The following MGAT4C variants were observed in gnomAD, a reference collection of about 807,000 sequenced individuals.
The protein encoded by MGAT4C is MGAT4 family member C, also known as alpha-1,3-mannosyl-glycoprotein 4-beta-N-acetylglucosaminyltransferase C.
MGAT4C carries 19 observed loss-of-function variants against 40.1 expected under a neutral mutation model. The observed-to-expected ratio is 0.47, with a 90% CI of 0.33 to 0.70. The LOEUF (loss-of-function observed/expected upper bound fraction) is 0.70. Among genes scored for constraint, MGAT4C ranks in the 30% least tolerant of loss-of-function variants. The pLI is 0.02. For missense variants in MGAT4C, 491 were observed against 563.2 expected (o/e 0.87, Z 1.30); for synonymous variants, 181 against 187.1 (o/e 0.97, Z 0.27).
At chr12:86,009,598 A>G (rs1205102190) in intron 2 of MGAT4C, among the ~76,000 whole-genome samples, 2 of 152,028 alleles carry the variant, frequency 1.3e-5, no homozygotes, top group African/African-American at 4.8e-5. Context: ...CATCCCCCCA[A>G]TCAGGAATCA....
chr12:86,177,866 T>G (rs919594047), intron 1 of MGAT4C, among the ~76,000 whole-genome samples: 2 of 152,176 alleles, frequency 1.3e-5, no homozygotes, highest in African/African-American at 4.8e-5. Context: ...AATTTAAAAT[T>G]AAATAAAAAT....
chr12:86,128,625 G>A (rs1593016244), intron 1 of MGAT4C, among the ~76,000 whole-genome samples: 2 of 152,096 alleles, frequency 1.3e-5, no homozygotes, highest in East Asian at 3.9e-4. Flanking sequence ...ATCAAAATAC[G>A]TGGATCTGTG....
chr12:86,248,749 C>T (rs1185734742), intron 1 of MGAT4C, among the ~76,000 whole-genome samples: 1 of 151,994 alleles, frequency 6.6e-6, no homozygotes, highest in Non-Finnish European at 1.5e-5. Flanking sequence ...TAGATGGGAG[C>T]GGTCATACAT....
At chr12:86,825,192 G>C (rs1462156850) in intron 1 of MGAT4C, among the ~76,000 whole-genome samples, 1 of 151,138 alleles carries the variant, frequency 6.6e-6, no homozygotes, top group Non-Finnish European at 1.5e-5. Context: ...TGAGGAAAGA[G>C]GGTAAGAAAT....
At chr12:86,019,438 T>A (rs150206347) in intron 2 of MGAT4C, among the ~76,000 whole-genome samples, 1 of 152,058 alleles carries the variant, frequency 6.6e-6, no homozygotes, top group Non-Finnish European at 1.5e-5. Context: ...TGATGTTGTA[T>A]GCATCCTAGT....
chr12:85,988,717 A>T (rs2136714420), intron 3 of MGAT4C, among the ~76,000 whole-genome samples: 1 of 152,062 alleles, frequency 6.6e-6, no homozygotes, highest in African/African-American at 2.4e-5. Flanking sequence ...TAACATATTA[A>T]TTTTTCATAA....
intron 2 of MGAT4C, among the ~76,000 whole-genome samples, chr12:86,537,850 G>A (rs914828971): frequency 4.6e-5 from 7 of 152,166 alleles, no homozygotes; most frequent in Non-Finnish European, 8.8e-5. Context: ...ACTTTGGGAG[G>A]CCAAGGTGGG....
intron 2 of MGAT4C, among the ~76,000 whole-genome samples, chr12:86,436,232 CAACAAAACAATTTTG>C (rs1957135539): frequency 1.4e-5 from 2 of 142,162 alleles, no homozygotes; most frequent in Admixed American, 1.4e-4. Flanking sequence ...TAAGCAAGTG[CAACAAAACAATTTTG>C]TGCAACAAAA....
intron 2 of MGAT4C, among the ~76,000 whole-genome samples, chr12:86,511,808 T>C (rs533547784): frequency 6.6e-6 from 1 of 152,124 alleles, no homozygotes; most frequent in East Asian, 1.9e-4. Flanking sequence ...GAGACAAAAG[T>C]GGAAAGCTTC....
intron 3 of MGAT4C, among the ~76,000 whole-genome samples, chr12:86,416,485 T>G (rs1274058973): frequency 1.3e-5 from 2 of 152,036 alleles, no homozygotes; most frequent in African/African-American, 4.8e-5. Flanking sequence ...GTTACCCAGT[T>G]GAGGATTGAC....
upstream of MGAT4C, among the ~76,000 whole-genome samples, chr12:86,259,396 A>G (rs1952608900): frequency 6.6e-6 from 1 of 152,064 alleles, no homozygotes; most frequent in African/African-American, 2.4e-5. Flanking sequence ...CTACTATACT[A>G]AAATAATATT....
rs1884237819 is a variant in MGAT4C at position 85,979,120 on chromosome 12, G to A, written c.*169C>T. 1 of 512,506 alleles carries A rather than the reference G, an allele frequency of 2.0e-6. No individual in the cohort carries two copies. The highest frequency in any genetic ancestry group is 3.5e-5 in the South Asian group (1 of 28,312). The allele number at this position is 512,506 out of a possible 1,614,324, so 31.7% of individuals were successfully genotyped here. On this transcript the variant is annotated 3_prime_UTR_variant, in exon 5 of 5. Coordinates refer to ENST00000611864, the MANE Select transcript of MGAT4C (RefSeq NM_001351288.2). ...ACTTCAGACGTTAAAATAAATACAA[G>A]TGTGTATTAAGAGTAAAATTATGTC... is the stretch of plus-strand genomic sequence containing the variant.
chr12:86,387,506 T>C (rs1053854616), intron 3 of MGAT4C, among the ~76,000 whole-genome samples: 1 of 152,178 alleles, frequency 6.6e-6, no homozygotes, highest in African/African-American at 2.4e-5. Context: ...GGATTATTTA[T>C]ATGTTTGCAA....
At chr12:86,426,277 C>T (rs771509833) in intron 3 of MGAT4C, among the ~76,000 whole-genome samples, 12 of 152,098 alleles carry the variant, frequency 7.9e-5, no homozygotes, top group South Asian at 2.1e-4. Context: ...GAAAACCTTA[C>T]GCTGCCATTC....
chr12:86,381,822 C>T (rs1374606105), intron 3 of MGAT4C, among the ~76,000 whole-genome samples: 1 of 152,094 alleles, frequency 6.6e-6, no homozygotes, highest in East Asian at 1.9e-4. Flanking sequence ...CAGGTCTTTC[C>T]TGTGCTGTTC....
intron 1 of MGAT4C, among the ~76,000 whole-genome samples, chr12:86,136,877 G>A (rs570788269): frequency 1.3e-5 from 2 of 152,036 alleles, no homozygotes; most frequent in Admixed American, 1.3e-4. Flanking sequence ...TAGTAGAGAC[G>A]AGGTTTCACC....
chr12:86,636,262 G>T (rs1334979940), intron 2 of MGAT4C, among the ~76,000 whole-genome samples: 3 of 151,858 alleles, frequency 2.0e-5, no homozygotes, highest in Non-Finnish European at 4.4e-5. Flanking sequence ...TACACTTCTT[G>T]GCTTGTGTTT....
At chr12:86,628,858 C>A (rs775175197) in intron 2 of MGAT4C, among the ~76,000 whole-genome samples, 45 of 152,110 alleles carry the variant, frequency 3.0e-4, no homozygotes, top group Non-Finnish European at 2.5e-4. Context: ...AAATAACCAG[C>A]TAACATCATA....
At chr12:86,373,785 G>T (rs924936181) in intron 3 of MGAT4C, among the ~76,000 whole-genome samples, 2 of 151,790 alleles carry the variant, frequency 1.3e-5, no homozygotes, top group Non-Finnish European at 1.5e-5. Flanking sequence ...AGGTTGTTTA[G>T]TGGGCAATAT....
Sources: gnomAD v4.1 joint callset for allele counts (sites outside exome capture counted in the v4.1 genomes callset) on GRCh38, gnomAD v4.1.1 for gene constraint, MANE v1.5 for transcripts, NCBI Gene and HGNC (gene_info 2026-07-23, HGNC 2026-07-21) for gene names.